The following BTBD8 variants were observed in gnomAD, a reference collection of about 807,000 sequenced individuals.
BTBD8 encodes BTB/POZ domain-containing protein 8.
BTBD8 carries 110 observed loss-of-function variants against 162.9 expected under a neutral mutation model. The ratio of observed to expected loss-of-function variants is 0.68; its 90% CI spans 0.58 to 0.79. The LOEUF (loss-of-function observed/expected upper bound fraction) is 0.79. Ranked by LOEUF, BTBD8 falls within the 30% of genes least tolerant of loss-of-function variation. The pLI, the probability that BTBD8 is intolerant of heterozygous loss-of-function variation, is 0.00. For synonymous variants in BTBD8, 667 were observed against 716.1 expected, an observed-to-expected ratio of 0.93 and a Z score of 1.10; for missense variants, 1,905 against 2,085.4, an observed-to-expected ratio of 0.91 and a Z score of 1.68.
intron 9 of BTBD8, among the ~76,000 whole-genome samples, chr1:92,153,128 G>GT (rs5776138): frequency 6.6e-6 from 1 of 151,602 alleles, no homozygotes; most frequent in African/African-American, 2.4e-5. Context: ...TATTAATAGT[G>GT]TTTTTTTTAA....
intron 2 of BTBD8, among the ~76,000 whole-genome samples, chr1:92,099,768 G>T (rs1648540548): frequency 6.6e-6 from 1 of 152,110 alleles, no homozygotes; most frequent in South Asian, 2.1e-4. Context: ...TAGTGTTTTT[G>T]TAGATTTCCA....
chr1:92,146,471 T>C (rs1649923050), intron 7 of BTBD8, among the ~76,000 whole-genome samples: 1 of 152,194 alleles, frequency 6.6e-6, no homozygotes, highest in Non-Finnish European at 1.5e-5. Context: ...TCATCCAAAA[T>C]TCATGGTTTA....
intron 5 of BTBD8, among the ~76,000 whole-genome samples, chr1:92,131,905 T>C (rs1649526279): frequency 6.6e-6 from 1 of 152,164 alleles, no homozygotes; most frequent in Non-Finnish European, 1.5e-5. Context: ...AGGTGAGGTC[T>C]CATCGTGTTG....
rs1647981663 is a variant in BTBD8 at position 92,080,692 on chromosome 1, T to G, written c.121T>G (p.Ser41Ala). The G allele has an allele frequency of 1.2e-5, 19 of 1,612,122 alleles. No homozygotes were observed. In the East Asian group the frequency reaches 4.2e-4, roughly 36 times the overall value. The change falls in exon 1 of 18, where the codon TCG becomes GCG. Residue 41 changes from serine (S) to alanine (A), a missense_variant. Physicochemically the swap from Ser to Ala is moderately conservative, Grantham distance 99. Transcript: ENST00000636805. ...GCGGCGCCGGCTGAAGGCGACGGTG[T>G]CGGAGCAGCTCAGCCAGGATTTGCT... ...CERRRLKATVSEQLSQDLLRL... is the reference protein window; with the variant it reads ...CERRRLKATVAEQLSQDLLRL...
intron 4 of BTBD8, among the ~76,000 whole-genome samples, chr1:92,109,383 G>A (rs116437911): frequency 0.021 from 3,124 of 152,160 alleles, 46 homozygotes; most frequent in Non-Finnish European, 0.032. Flanking sequence ...GTCATACAGG[G>A]AAGGCAGGAC....
intron 2 of BTBD8, among the ~76,000 whole-genome samples, chr1:92,092,634 C>G (rs1648341904): frequency 6.6e-6 from 1 of 152,148 alleles, no homozygotes; most frequent in South Asian, 2.1e-4. Context: ...TTAATTCACC[C>G]ATAAATGTGA....
chr1:92,173,731 G>C (rs1441021527), intron 13 of BTBD8, among the ~76,000 whole-genome samples: 2 of 152,156 alleles, frequency 1.3e-5, no homozygotes, highest in African/African-American at 2.4e-5. Flanking sequence ...TGTCATCTGT[G>C]AGTCTTAGTT....
At chr1:92,161,416 T>C (rs1294399691) in intron 9 of BTBD8, among the ~76,000 whole-genome samples, 1 of 152,242 alleles carries the variant, frequency 6.6e-6, no homozygotes, top group Non-Finnish European at 1.5e-5. Context: ...AAATATGTTT[T>C]AGTGTGAGGA....
chr1:92,173,620 T>C (rs1650622704), intron 13 of BTBD8, among the ~76,000 whole-genome samples: 1 of 152,176 alleles, frequency 6.6e-6, no homozygotes. Context: ...TTAAGAACAA[T>C]GGGAAGGAAG....
At chr1:92,168,066 C>T in intron 11 of BTBD8, 81 bp downstream of exon 11, 2 of 1,302,140 alleles carry the variant, frequency 1.5e-6, no homozygotes, top group Non-Finnish European at 2.1e-6. Flanking sequence ...TTAAATGTTG[C>T]AGGGTCATTG....
intron 12 of BTBD8, among the ~76,000 whole-genome samples, chr1:92,170,447 G>A (rs1650508083): frequency 6.6e-6 from 1 of 151,922 alleles, no homozygotes; most frequent in Non-Finnish European, 1.5e-5. Context: ...AAATTTTTTA[G>A]TTTAATTTCT....
chr1:92,160,912 C>T (rs1025860821), intron 9 of BTBD8, among the ~76,000 whole-genome samples: 2 of 152,174 alleles, frequency 1.3e-5, no homozygotes, highest in Non-Finnish European at 2.9e-5. Flanking sequence ...CCCATCAGCA[C>T]TCCAAGACTG....
At chr1:92,177,747 A>G (rs1207708427) in intron 14 of BTBD8, 64 bp from the exon 15 acceptor site, 3 of 1,009,488 alleles carry the variant, frequency 3.0e-6, no homozygotes, top group Non-Finnish European at 1.5e-6. Flanking sequence ...TAACCAGTAA[A>G]CTTACACGTT....
Position 92,110,725 on chromosome 1 carries a change from A to G in BTBD8, c.662+2724A>G, listed in dbSNP as rs533636868. On this transcript the variant is annotated intron_variant, in intron 4 of 17. Transcript: ENST00000636805. ...GCCTGGCTAATTTTTTGTATTTTTT[A>G]GTAGAGACAGGGTTTCACTGTGTTT... is the stretch of plus-strand genomic sequence containing the variant. Among the ~76,000 whole-genome samples the G allele has an allele frequency of 1.8e-4, 27 of 152,096 alleles. No homozygotes were observed. In the South Asian group the frequency reaches 3.5e-3, roughly 20 times the overall value.
At chr1:92,178,276 C>G in intron 15 of BTBD8, 36 bp from the exon 16 acceptor site, 1 of 1,476,600 alleles carries the variant, frequency 6.8e-7, no homozygotes, top group Non-Finnish European at 9.0e-7. Context: ...GTTTTGGAAT[C>G]TAAGTGTAAT....
chr1:92,101,570 G>A (rs942695163), intron 2 of BTBD8, among the ~76,000 whole-genome samples: 1 of 152,248 alleles, frequency 6.6e-6, no homozygotes, highest in Non-Finnish European at 1.5e-5. Flanking sequence ...GGTTCCAGGG[G>A]TGAGGTGACA....
At position 92,102,438 on chromosome 1, in the gene BTBD8, GTTATT is replaced by G. The variant is rs750341620; in HGVS notation, c.348-29_348-25del. 4.2e-5 allele frequency: 53 copies of G among 1,253,042 alleles called. No homozygotes were observed. In the African/African-American group the frequency reaches 7.8e-4, roughly 18 times the overall value. 77.6% of individuals were successfully genotyped at this position (1,253,042 alleles called of 1,614,324 possible). On this transcript the variant is annotated intron_variant, in intron 2 of 17. Transcript: ENST00000636805. ...TTCTTTCTTTTTAAGAATCACCAATGTTATTTTATTAATATTTTATATTTTGTCTT... is the reference window on the plus strand; with the variant it reads ...TTCTTTCTTTTTAAGAATCACCAATGTTATTAATATTTTATATTTTGTCTT...
intron 5 of BTBD8, among the ~76,000 whole-genome samples, chr1:92,138,978 T>C (rs916290192): frequency 9.2e-5 from 14 of 152,270 alleles, no homozygotes; most frequent in Admixed American, 7.8e-4. Flanking sequence ...GTGAATAGAT[T>C]TGTACATTTG....
intron 4 of BTBD8, among the ~76,000 whole-genome samples, chr1:92,129,299 A>T (rs1243055852): frequency 1.3e-5 from 2 of 152,158 alleles, no homozygotes; most frequent in Non-Finnish European, 2.9e-5. Context: ...TCTGGACAAC[A>T]TAGTGAGACC....
Sources: allele counts gnomAD v4.1 joint callset (sites outside exome capture counted in the v4.1 genomes callset), GRCh38; gene constraint gnomAD v4.1.1; transcripts MANE v1.5; gene names NCBI Gene and HGNC (gene_info 2026-07-23, HGNC 2026-07-21).